PDSS1: variants seen among roughly 807,000 people sequenced by gnomAD.
PDSS1 encodes the protein all trans-polyprenyl-diphosphate synthase PDSS1.
PDSS1 carries 43 observed loss-of-function variants against 57.5 expected under a neutral mutation model. The observed-to-expected ratio is 0.75, with a 90% CI of 0.59 to 0.96. The LOEUF (loss-of-function observed/expected upper bound fraction) is 0.96. Among genes scored for constraint, PDSS1 ranks in the 50% least tolerant of loss-of-function variants. The probability of loss-of-function intolerance (pLI) is 0.00; values close to 1 mark genes in which losing one functional copy is unlikely to be tolerated. For missense variants in PDSS1, 438 were observed against 527.8 expected (o/e 0.83, Z 1.67); for synonymous variants, 175 against 191.3 (o/e 0.91, Z 0.70).
chr10:26,704,083 C>CAAAAAAAAAAAAAAAAAAAAAAAAAAAAA lies in PDSS1; in HGVS notation c.163-575_163-574insAAAAAAAAAAAAAAAAAAAAAAAAAAAAA, dbSNP rs1203931422. 2.6e-3 allele frequency among the ~76,000 whole-genome samples: 82 copies of CAAAAAAAAAAAAAAAAAAAAAAAAAAAAA among 31,036 alleles called. 8 individuals carry two copies. Among genetic ancestry groups the CAAAAAAAAAAAAAAAAAAAAAAAAAAAAA allele is most frequent in the Non-Finnish European group, 4.1e-3 (67 of 16,342 alleles). 20.4% of individuals were successfully genotyped at this position (31,036 alleles called of 152,430 possible). ...GACGACAGAACGAGACTCCGTCTCA[C>CAAAAAAAAAAAAAAAAAAAAAAAAAAAAA]AAAAAAAAAAAAAAAAAAATATGGC... On this transcript the variant is annotated intron_variant, in intron 2 of 11. Transcript: ENST00000376215.
At chr10:26,719,705 G>T (rs1835717970) in intron 5 of PDSS1, among the ~76,000 whole-genome samples, 1 of 152,164 alleles carries the variant, frequency 6.6e-6, no homozygotes, top group Non-Finnish European at 1.5e-5. Flanking sequence ...GGAGGCGAAG[G>T]TTGTGAGCCA....
At chr10:26,740,706 A>G (rs1836565546) in intron 10 of PDSS1, 1 of 456,698 alleles carries the variant, frequency 2.2e-6, no homozygotes, top group African/African-American at 2.0e-5. Context: ...AATCAAACAC[A>G]TCTTACCTCT....
chr10:26,718,735 TG>T (rs1460038179), intron 5 of PDSS1: 1 of 124,384 alleles, frequency 8.0e-6, no homozygotes, highest in East Asian at 2.3e-4. Flanking sequence ...CACTCCAGCC[TG>T]GGCAATAAGA....
chr10:26,725,717 A>G (rs1471371985), intron 8 of PDSS1, among the ~76,000 whole-genome samples: 1 of 152,162 alleles, frequency 6.6e-6, no homozygotes. Context: ...ACTAATATTT[A>G]TCCTTAAGAG....
At chr10:26,720,038 G>A (rs1343484595) in intron 5 of PDSS1, 180 bp from the exon 6 acceptor site, 2 of 776,976 alleles carry the variant, frequency 2.6e-6, no homozygotes, top group Non-Finnish European at 4.1e-6. Context: ...GTTGTGGCAG[G>A]GTTTCTCATA....
chr10:26,707,576 A>G (rs1436857963), intron 4 of PDSS1, among the ~76,000 whole-genome samples: 1 of 151,958 alleles, frequency 6.6e-6, no homozygotes, highest in Non-Finnish European at 1.5e-5. Context: ...TTCACTCTGC[A>G]CTTTGTTCCC....
chr10:26,745,565 G>A (rs1297542101), intron 11 of PDSS1, among the ~76,000 whole-genome samples: 1 of 152,114 alleles, frequency 6.6e-6, no homozygotes, highest in Non-Finnish European at 1.5e-5. Flanking sequence ...ATAAAAACTA[G>A]GCTGGGCACG....
chr10:26,697,862 C>G, intron 1 of PDSS1, 22 bp downstream of exon 1: 1 of 1,292,816 alleles, frequency 7.7e-7, no homozygotes, highest in Non-Finnish European at 9.9e-7. Flanking sequence ...AGGCGCGCGC[C>G]CGGCGGGGCT....
intron 5 of PDSS1, among the ~76,000 whole-genome samples, chr10:26,716,666 G>C (rs1383236813): frequency 6.6e-6 from 1 of 152,060 alleles, no homozygotes; most frequent in African/African-American, 2.4e-5. Context: ...ACTCTAGCCT[G>C]GGTGAAAGAG....
Position 26,735,293 on chromosome 10 carries a change from C to T in PDSS1, c.885C>T (p.Tyr295=), listed in dbSNP as rs534121169. The T allele has an allele frequency of 1.7e-5, 28 of 1,612,494 alleles. No homozygotes were observed. The highest frequency in any genetic ancestry group is 3.3e-4 in the Middle Eastern group (2 of 6,054). The stretch of plus-strand genomic sequence containing the variant: ...TGGTGCATGAGATCGCCTATCAGTA[C>T]GGAAAAAATGTAGGAATAGCTTTTC... ...DPVVHEIAYQ[Y]GKNVGIAFQL... The change falls in exon 9 of 12, where the codon TAC becomes TAT. Residue 295 remains tyrosine (Y), a synonymous_variant. Coordinates refer to ENST00000376215, the MANE Select transcript of PDSS1 (RefSeq NM_014317.5).
At chr10:26,717,442 G>A (rs1159251798) in intron 5 of PDSS1, among the ~76,000 whole-genome samples, 1 of 152,214 alleles carries the variant, frequency 6.6e-6, no homozygotes, top group Non-Finnish European at 1.5e-5. Flanking sequence ...ATGTTGGCCA[G>A]GCTGGTCTCG....
chr10:26,698,469 T>C (rs1018824395), intron 1 of PDSS1, among the ~76,000 whole-genome samples: 1 of 152,192 alleles, frequency 6.6e-6, no homozygotes, highest in African/African-American at 2.4e-5. Flanking sequence ...TGGAGTCATC[T>C]AAAGTCAGAA....
chr10:26,742,631 C>T (rs1836668109), intron 11 of PDSS1, 54 bp downstream of exon 11: 1 of 1,024,958 alleles, frequency 9.8e-7, no homozygotes, highest in South Asian at 1.3e-5. Context: ...TGGCAAAATC[C>T]TTTAATCCAA....
intron 4 of PDSS1, 78 bp downstream of exon 4, chr10:26,705,472 T>C: frequency 1.7e-6 from 1 of 585,942 alleles, no homozygotes. Context: ...TTTTTATTCT[T>C]ATAATTATTA....
chr10:26,704,779 C>T, intron 3 of PDSS1, 38 bp downstream of exon 3: 7 of 1,071,972 alleles, frequency 6.5e-6, no homozygotes, highest in Non-Finnish European at 1.0e-5. Flanking sequence ...CTAAAATTAT[C>T]CATTTTTAAA....
At chr10:26,704,820 G>T in intron 3 of PDSS1, 79 bp downstream of exon 3, 1 of 763,306 alleles carries the variant, frequency 1.3e-6, no homozygotes. Flanking sequence ...TTTTTTTGTA[G>T]CGATGGGGAG....
chr10:26,707,543 C>G (rs1444512217), intron 4 of PDSS1, among the ~76,000 whole-genome samples: 1 of 152,124 alleles, frequency 6.6e-6, no homozygotes, highest in Non-Finnish European at 1.5e-5. Flanking sequence ...TTGACTGTAA[C>G]CCCTCCTTGA....
At chr10:26,708,196 A>G (rs1835305030) in intron 4 of PDSS1, among the ~76,000 whole-genome samples, 1 of 152,188 alleles carries the variant, frequency 6.6e-6, no homozygotes, top group African/African-American at 2.4e-5. Context: ...CCTGGCACTA[A>G]GTCGGTAATT....
At chr10:26,703,528 T>A (rs1036568943) in intron 2 of PDSS1, among the ~76,000 whole-genome samples, 1 of 152,198 alleles carries the variant, frequency 6.6e-6, no homozygotes, top group Admixed American at 6.5e-5. Context: ...TAAGATGCCC[T>A]TATTTATAAG....
Sources: gnomAD v4.1 joint callset for allele counts (sites outside exome capture counted in the v4.1 genomes callset) on GRCh38, gnomAD v4.1.1 for gene constraint, MANE v1.5 for transcripts, NCBI Gene and HGNC (gene_info 2026-07-23, HGNC 2026-07-21) for gene names.